Variants in SENP7 observed in about 807,000 individuals in gnomAD.
The protein encoded by SENP7 is SUMO specific peptidase 7, also known as sentrin-specific protease 7.
SENP7 carries 64 observed loss-of-function variants against 141.2 expected under a neutral mutation model. The ratio of observed to expected loss-of-function variants is 0.45; its 90% CI spans 0.37 to 0.56. SENP7 has a LOEUF of 0.56. Among genes scored for constraint, SENP7 ranks in the 20% least tolerant of loss-of-function variants. The pLI is 0.00. For synonymous variants in SENP7, 382 were observed against 426.4 expected (o/e 0.90, Z 1.28); for missense variants, 1,025 against 1,212.2 (o/e 0.85, Z 2.29).
chr3:101,334,485 C>T (rs1156934874), intron 17 of SENP7, among the ~76,000 whole-genome samples: 3 of 151,932 alleles, frequency 2.0e-5, no homozygotes, highest in Admixed American at 1.3e-4. Flanking sequence ...GAAATCATTG[C>T]CCCATCTTGT....
At chr3:101,454,120 T>G (rs151074510) in intron 4 of SENP7, among the ~76,000 whole-genome samples, 1 of 152,192 alleles carries the variant, frequency 6.6e-6, no homozygotes, top group Non-Finnish European at 1.5e-5. Context: ...ACAGTCATTT[T>G]GAAAAAAAGT....
rs531923228 is a variant in SENP7, at chr3:101,389,696, G to T, written c.677+9165C>A. Among the ~76,000 whole-genome samples, 9 of 151,970 alleles carry T rather than the reference G, an allele frequency of 5.9e-5. No individual in the cohort carries two copies. The South Asian group carries it at 1.9e-3, about 32-fold the overall frequency. ...GCAAAATGGCACTATCTAAAATAAT[G>T]AACATACCTAAAAGTACAAAACTAA... On this transcript the variant is annotated intron_variant, in intron 6 of 23. Transcript: ENST00000394095.
rs564984331 is a variant in SENP7 at position 101,426,260 on chromosome 3, A to G, written c.285-8470T>C. On this transcript the variant is annotated intron_variant, in intron 4 of 23. Transcript: ENST00000394095. The stretch of plus-strand genomic sequence containing the variant: ...ATCATCCCAAAGACACATAATCATC[A>G]GATTCTCCAAGGTCAAAATCAAAGA... 1.6e-4 allele frequency among the ~76,000 whole-genome samples: 25 copies of G among 152,266 alleles called. No homozygotes were observed. In the South Asian group the frequency reaches 4.8e-3, roughly 29 times the overall value.
chr3:101,446,750 T>C (rs2062912468), intron 4 of SENP7, among the ~76,000 whole-genome samples: 1 of 151,878 alleles, frequency 6.6e-6, no homozygotes, highest in Admixed American at 6.6e-5. Flanking sequence ...ATACCAAAAC[T>C]ATGGACAATC....
At chr3:101,331,797 T>A (rs2059062366) in intron 19 of SENP7, among the ~76,000 whole-genome samples, 188 bp downstream of exon 19, 1 of 152,188 alleles carries the variant, frequency 6.6e-6, no homozygotes, top group Non-Finnish European at 1.5e-5. Context: ...TAATAAAACT[T>A]GATATAACAG....
intron 3 of SENP7, among the ~76,000 whole-genome samples, chr3:101,488,712 T>C (rs984751061): frequency 6.6e-6 from 1 of 152,154 alleles, no homozygotes; most frequent in Non-Finnish European, 1.5e-5. Context: ...CATGGCAGCA[T>C]GTGCCTGTAG....
intron 3 of SENP7, among the ~76,000 whole-genome samples, chr3:101,472,966 T>G (rs2107981915): frequency 6.6e-6 from 1 of 152,300 alleles, no homozygotes; most frequent in South Asian, 2.1e-4. Context: ...TGTCCATGTA[T>G]TCTCATAACT....
intron 2 of SENP7, among the ~76,000 whole-genome samples, chr3:101,497,802 T>G (rs2065219252): frequency 6.6e-6 from 1 of 152,146 alleles, no homozygotes; most frequent in Admixed American, 6.5e-5. Flanking sequence ...CTGCCTTACA[T>G]AAGAATTTTT....
intron 5 of SENP7, among the ~76,000 whole-genome samples, chr3:101,410,152 G>A (rs1201076458): frequency 1.3e-5 from 2 of 152,100 alleles, no homozygotes; most frequent in Non-Finnish European, 2.9e-5. Flanking sequence ...TCTCAAAGAA[G>A]ATATACAAAT....
At chr3:101,391,355 AAAAC>A (rs2060811197) in intron 6 of SENP7, among the ~76,000 whole-genome samples, 1 of 152,014 alleles carries the variant, frequency 6.6e-6, no homozygotes, top group African/African-American at 2.4e-5. Context: ...ATTAAAAAAA[AAAAC>A]AAGAAAGAAC....
intron 4 of SENP7, 146 bp from the exon 5 acceptor site, chr3:101,417,936 T>TCTTTAGTTTAATTAGATCCC: frequency 1.6e-6 from 1 of 619,908 alleles, no homozygotes; most frequent in East Asian, 2.8e-5. Context: ...AAAAAATGCC[T>TCTTTAGTTTAATTAGATCCC]AACTATTATC....
At chr3:101,394,813 T>TA (rs1416886925) in intron 6 of SENP7, among the ~76,000 whole-genome samples, 1 of 152,200 alleles carries the variant, frequency 6.6e-6, no homozygotes, top group African/African-American at 2.4e-5. Context: ...CAACATCTGC[T>TA]ATTCTTTGTC....
rs559840267 is a variant in SENP7, at chr3:101,325,961, C to T, written c.3135G>A (p.Gln1045=). The change falls in exon 24 of 24, where the codon CAG becomes CAA. Residue 1045 remains glutamine, a synonymous_variant. Coordinates refer to ENST00000394095, the MANE Select transcript of SENP7 (RefSeq NM_020654.5). ...ELILKLHLQQ[Q]KGSSS ...AGATTAACTAGCTACTGCTGCCCTT[C>T]TGTTGCTGTAAATGAAGTTTCAAGA... The T allele has an allele frequency of 6.2e-7, 1 of 1,609,374 alleles. No individual in the cohort carries two copies. Among genetic ancestry groups the T allele is most frequent in the Non-Finnish European group, 8.5e-7 (1 of 1,177,616 alleles).
intron 4 of SENP7, among the ~76,000 whole-genome samples, chr3:101,419,062 A>G (rs1400064219): frequency 1.3e-5 from 2 of 152,200 alleles, no homozygotes; most frequent in Non-Finnish European, 2.9e-5. Flanking sequence ...AGAAATACAG[A>G]TGTTGCACTT....
intron 6 of SENP7, among the ~76,000 whole-genome samples, chr3:101,388,885 GA>G (rs890703070): frequency 6.6e-6 from 1 of 151,218 alleles, no homozygotes; most frequent in African/African-American, 2.4e-5. Context: ...TTCAACAATA[GA>G]CTAGACCAAG....
At chr3:101,470,957 C>T (rs1181446416) in intron 3 of SENP7, among the ~76,000 whole-genome samples, 3 of 152,022 alleles carry the variant, frequency 2.0e-5, no homozygotes, top group Non-Finnish European at 2.9e-5. Flanking sequence ...ATGTGAAGGA[C>T]CTCTTCAAGG....
At chr3:101,361,651 GA>G (rs1559717655) in intron 11 of SENP7, 63 bp downstream of exon 11, 3 of 1,425,802 alleles carry the variant, frequency 2.1e-6, no homozygotes, top group Non-Finnish European at 2.8e-6. Flanking sequence ...GAAAAAAAAG[GA>G]AAAAAATTAA....
At chr3:101,509,962 T>C (rs149607234) in intron 1 of SENP7, among the ~76,000 whole-genome samples, 1 of 150,228 alleles carries the variant, frequency 6.7e-6, no homozygotes, top group Non-Finnish European at 1.5e-5. Flanking sequence ...AGTGCCTAAG[T>C]ACTTAAAGAA....
chr3:101,503,775 G>A (rs1001314608), intron 1 of SENP7, among the ~76,000 whole-genome samples: 1 of 151,822 alleles, frequency 6.6e-6, no homozygotes, highest in Non-Finnish European at 1.5e-5. Flanking sequence ...GTGAAACCCC[G>A]TCTGCATAAA....
Sources: allele counts gnomAD v4.1 joint callset (sites outside exome capture counted in the v4.1 genomes callset), GRCh38; gene constraint gnomAD v4.1.1; transcripts MANE v1.5; gene names NCBI Gene and HGNC (gene_info 2026-07-23, HGNC 2026-07-21).